The following PTBP3 variants were observed in gnomAD, a reference collection of about 807,000 sequenced individuals.
PTBP3 encodes polypyrimidine tract-binding protein 3.
PTBP3 carries 20 observed loss-of-function variants against 58.7 expected under a neutral mutation model. That is an observed-to-expected ratio of 0.34 (90% CI 0.24 to 0.50). The LOEUF is 0.50. Among genes scored for constraint, PTBP3 ranks in the 20% least tolerant of loss-of-function variants. PTBP3 has a pLI of 0.98. For missense variants in PTBP3, 509 were observed against 637.2 expected (o/e 0.80, Z 2.17); for synonymous variants, 185 against 219.8 (o/e 0.84, Z 1.40).
intron 1 of PTBP3, among the ~76,000 whole-genome samples, chr9:112,302,689 A>G (rs933263358): frequency 6.9e-6 from 1 of 145,592 alleles, no homozygotes; most frequent in Non-Finnish European, 1.5e-5. Flanking sequence ...CCCAGGTTCC[A>G]ATGATTCTCG....
chr9:112,227,358 C>A, intron 12 of PTBP3, 53 bp downstream of exon 12: 2 of 1,564,264 alleles, frequency 1.3e-6, no homozygotes, highest in South Asian at 2.2e-5. Context: ...TCCTACATCA[C>A]ATATTGTAGA....
chr9:112,375,741 T>G, the PTBP3 span, among the ~76,000 whole-genome samples: 1 of 152,172 alleles, frequency 6.6e-6, no homozygotes. Flanking sequence ...GATGGAATAC[T>G]GCTGTGCACG....
At chr9:112,305,023 T>C (rs1587864078) in intron 1 of PTBP3, among the ~76,000 whole-genome samples, 2 of 152,326 alleles carry the variant, frequency 1.3e-5, no homozygotes, top group African/African-American at 2.4e-5. Context: ...CAAATTCCTA[T>C]AGCAAAATGT....
At chr9:112,296,079 T>A (rs1828676341) in intron 2 of PTBP3, among the ~76,000 whole-genome samples, 1 of 152,190 alleles carries the variant, frequency 6.6e-6, no homozygotes, top group Non-Finnish European at 1.5e-5. Flanking sequence ...ATTTTATGTG[T>A]GGCCCAAGAG....
intron 8 of PTBP3, among the ~76,000 whole-genome samples, chr9:112,232,813 C>T (rs1835297142): frequency 6.6e-6 from 1 of 152,112 alleles, no homozygotes; most frequent in South Asian, 2.1e-4. Flanking sequence ...CTCTCTACTT[C>T]TCTAGGTACT....
chr9:112,237,553 C>A (rs1389013535), intron 7 of PTBP3, among the ~76,000 whole-genome samples: 8 of 152,106 alleles, frequency 5.3e-5, no homozygotes, highest in Non-Finnish European at 1.2e-4. Flanking sequence ...CATAAACTAA[C>A]CTTACTGCAG....
chr9:112,373,893 G>A, the PTBP3 span, among the ~76,000 whole-genome samples: 24 of 152,316 alleles, frequency 1.6e-4, no homozygotes, highest in Admixed American at 1.4e-3. Flanking sequence ...AACTGGTCAC[G>A]TGGTCATAGC....
At chr9:112,247,987 G>T (rs927930046) in intron 7 of PTBP3, among the ~76,000 whole-genome samples, 2 of 151,986 alleles carry the variant, frequency 1.3e-5, no homozygotes, top group East Asian at 3.9e-4. Context: ...AAGTAAATAT[G>T]GCATGATATT....
chr9:112,318,466 A>G (rs1829793908), intron 1 of PTBP3, among the ~76,000 whole-genome samples: 1 of 152,226 alleles, frequency 6.6e-6, no homozygotes, highest in Non-Finnish European at 1.5e-5. Context: ...AGACGACATA[A>G]AAGAATTTGA....
intron 1 of PTBP3, among the ~76,000 whole-genome samples, chr9:112,331,627 G>A (rs1227755509): frequency 6.6e-6 from 1 of 152,160 alleles, no homozygotes; most frequent in Non-Finnish European, 1.5e-5. Context: ...AAATAAAATG[G>A]TGTAACACTA....
intron 1 of PTBP3, among the ~76,000 whole-genome samples, chr9:112,329,231 C>T (rs760190390): frequency 1.3e-5 from 2 of 151,888 alleles, no homozygotes; most frequent in Non-Finnish European, 2.9e-5. Flanking sequence ...GGCAACGTGT[C>T]GAAACCCCGT....
At chr9:112,345,380 A>T in the PTBP3 span, among the ~76,000 whole-genome samples, 7 of 113,974 alleles carry the variant, frequency 6.1e-5, no homozygotes, top group South Asian at 8.5e-4. Context: ...AGGAAAAAAA[A>T]TTTTTTTTTT....
Position 112,333,612 on chromosome 9 carries a change from A to T in PTBP3, c.-194T>A, listed in dbSNP as rs934950234. The T allele has an allele frequency of 2.8e-6, 3 of 1,059,332 alleles. No homozygotes were observed. 65.6% of individuals were successfully genotyped at this position (1,059,332 alleles called of 1,614,324 possible). A position where few individuals can be genotyped will look rare whatever the true frequency, so the allele number is the denominator to read the frequency against. ...GGAGCCCCGGCCGGTCCGAGGTGGAAGGAGAGTGGGAACAGGGGCGGGGAC... is the reference window on the plus strand; with the variant it reads ...GGAGCCCCGGCCGGTCCGAGGTGGATGGAGAGTGGGAACAGGGGCGGGGAC... On this transcript the variant is annotated 5_prime_UTR_variant, in exon 1 of 14. Transcript: ENST00000374257.
At chr9:112,235,658 C>A (rs897827954) in intron 7 of PTBP3, among the ~76,000 whole-genome samples, 12 of 151,972 alleles carry the variant, frequency 7.9e-5, no homozygotes, top group Non-Finnish European at 1.8e-4. Context: ...GAAATAAGGG[C>A]ACAAACTCAG....
intron 5 of PTBP3, among the ~76,000 whole-genome samples, chr9:112,254,636 T>C (rs1207851194): frequency 6.6e-6 from 1 of 152,150 alleles, no homozygotes; most frequent in Non-Finnish European, 1.5e-5. Context: ...ATGCTCAATA[T>C]CACTAATCAT....
At chr9:112,275,665 T>C (rs1389739123) in intron 3 of PTBP3, among the ~76,000 whole-genome samples, 179 bp downstream of exon 3, 3 of 152,208 alleles carry the variant, frequency 2.0e-5, no homozygotes, top group African/African-American at 4.8e-5. Flanking sequence ...TCCTGTTTCC[T>C]GTGTTACTAC....
the PTBP3 span, among the ~76,000 whole-genome samples, chr9:112,351,644 C>T: frequency 6.6e-6 from 1 of 152,200 alleles, no homozygotes; most frequent in South Asian, 2.1e-4. Context: ...CATTCTCCCT[C>T]ATTTACTTAT....
At position 112,222,634 on chromosome 9, in the gene PTBP3, A is replaced by G. The variant is rs149680988; in HGVS notation, c.*1217T>C. 406 of 985,816 alleles carry G rather than the reference A, an allele frequency of 4.1e-4. 9 individuals are homozygous for G. In the East Asian group the frequency reaches 0.034, roughly 84 times the overall value. 61.1% of individuals were successfully genotyped at this position (985,816 alleles called of 1,614,324 possible). On this transcript the variant is annotated 3_prime_UTR_variant, in exon 14 of 14. Transcript: ENST00000374257. ...TGCACCAAGCACCAAAAATTTGATA[A>G]AAACTATTACTTATTGAAAACCACT...
At chr9:112,286,828 C>T (rs768307908) in intron 2 of PTBP3, among the ~76,000 whole-genome samples, 4 of 152,156 alleles carry the variant, frequency 2.6e-5, no homozygotes, top group Non-Finnish European at 2.9e-5. Context: ...CTAACAAATG[C>T]TCTCAGCTCT....
Sources: gnomAD v4.1 joint callset for allele counts (sites outside exome capture counted in the v4.1 genomes callset) on GRCh38, gnomAD v4.1.1 for gene constraint, MANE v1.5 for transcripts, NCBI Gene and HGNC (gene_info 2026-07-23, HGNC 2026-07-21) for gene names.